The following EYS variants were observed in gnomAD, a reference collection of about 807,000 sequenced individuals.
EYS encodes EGF-like photoreceptor maintenance factor, also known as protein eyes shut homolog.
A neutral mutation model predicts 282.1 loss-of-function variants in EYS; 250 were observed. That is an observed-to-expected ratio of 0.89 (90% confidence interval 0.80 to 0.98). EYS has a LOEUF of 0.98. Ranked by LOEUF, EYS falls within the 50% of genes least tolerant of loss-of-function variation. The probability of loss-of-function intolerance (pLI) is 0.00; values close to 1 mark genes in which losing one functional copy is unlikely to be tolerated. For synonymous variants in EYS, 1,355 were observed against 1,282.9 expected (o/e 1.06, Z -1.20); for missense variants, 4,016 against 3,709.0 (o/e 1.08, Z -2.15).
intron 2 of EYS, among the ~76,000 whole-genome samples, chr6:65,574,073 G>C (rs1764573446): frequency 6.6e-6 from 1 of 152,112 alleles, no homozygotes; most frequent in Non-Finnish European, 1.5e-5. Context: ...CTGCGCCCTA[G>C]GCACTAGTGC....
intron 14 of EYS, among the ~76,000 whole-genome samples, chr6:64,954,841 T>C (rs1484438280): frequency 1.3e-5 from 2 of 152,084 alleles, no homozygotes. Flanking sequence ...CAGTAGTATT[T>C]CTATATGCCA....
chr6:64,743,007 T>C (rs1583104242), intron 22 of EYS, among the ~76,000 whole-genome samples: 1 of 152,112 alleles, frequency 6.6e-6, no homozygotes, highest in Non-Finnish European at 1.5e-5. Flanking sequence ...TTTCCTCCCA[T>C]ACTGTGCTAT....
At chr6:64,456,175 A>G (rs1208053717) in intron 26 of EYS, among the ~76,000 whole-genome samples, 4 of 152,088 alleles carry the variant, frequency 2.6e-5, no homozygotes, top group African/African-American at 9.7e-5. Context: ...CCACCACTCA[A>G]ATTCCATGTC....
intron 35 of EYS, among the ~76,000 whole-genome samples, chr6:63,921,658 C>T (rs1159954500): frequency 6.6e-6 from 1 of 152,120 alleles, no homozygotes; most frequent in Non-Finnish European, 1.5e-5. Flanking sequence ...TAACACCTAC[C>T]AAGTATTCCT....
intron 19 of EYS, among the ~76,000 whole-genome samples, chr6:64,850,400 C>A (rs911593763): frequency 6.6e-6 from 1 of 152,062 alleles, no homozygotes; most frequent in African/African-American, 2.4e-5. Flanking sequence ...TGCTGGGGAT[C>A]AGTGAACAAA....
intron 35 of EYS, among the ~76,000 whole-genome samples, chr6:63,954,525 A>G (rs1765729696): frequency 3.3e-5 from 5 of 152,218 alleles, no homozygotes; most frequent in Admixed American, 3.3e-4. Context: ...CCTCTTTAAT[A>G]AAAACTCTTC....
intron 35 of EYS, among the ~76,000 whole-genome samples, chr6:63,889,070 G>A (rs1195862659): frequency 6.6e-6 from 1 of 152,124 alleles, no homozygotes; most frequent in Non-Finnish European, 1.5e-5. Context: ...ATGAGATAAA[G>A]TGTGAAGAAA....
chr6:64,982,186 A>C (rs1334902816), intron 14 of EYS, among the ~76,000 whole-genome samples: 1 of 151,398 alleles, frequency 6.6e-6, no homozygotes, highest in Non-Finnish European at 1.5e-5. Flanking sequence ...GTATCTCTGC[A>C]TGGTACCTTT....
chr6:63,842,770 G>A (rs998648743), intron 36 of EYS, among the ~76,000 whole-genome samples: 5 of 151,862 alleles, frequency 3.3e-5, no homozygotes, highest in Non-Finnish European at 7.4e-5. Context: ...ATTCATCTTG[G>A]GTTACTGTTT....
intron 29 of EYS, among the ~76,000 whole-genome samples, chr6:64,348,461 A>T (rs554862643): frequency 0.012 from 623 of 50,582 alleles, 3 homozygotes; most frequent in Non-Finnish European, 0.018. Flanking sequence ...AGTAACTTTC[A>T]GATATGTGTT....
At chr6:63,830,300 G>T (rs1003935284) in intron 36 of EYS, among the ~76,000 whole-genome samples, 1 of 152,034 alleles carries the variant, frequency 6.6e-6, no homozygotes, top group African/African-American at 2.4e-5. Context: ...CGAACCTATC[G>T]CAAAAAAGTT....
intron 22 of EYS, among the ~76,000 whole-genome samples, chr6:64,747,211 G>T (rs2149966163): frequency 6.6e-6 from 1 of 152,288 alleles, no homozygotes; most frequent in East Asian, 1.9e-4. Flanking sequence ...TCTAGGTCCA[G>T]AGTAATTTTT....
At chr6:64,912,991 T>C (rs770647892) in intron 15 of EYS, among the ~76,000 whole-genome samples, 3 of 151,944 alleles carry the variant, frequency 2.0e-5, no homozygotes, top group Non-Finnish European at 4.4e-5. Flanking sequence ...CTAACATAGT[T>C]AGGCCTCTGA....
At chr6:65,360,620 C>T (rs536381117) in intron 8 of EYS, among the ~76,000 whole-genome samples, 2 of 152,202 alleles carry the variant, frequency 1.3e-5, no homozygotes, top group South Asian at 4.1e-4. Context: ...TTGCTGACAA[C>T]TCCGTGACCA....
In EYS at chr6:64,295,916, T is replaced by C. The variant is rs192918257; in HGVS notation, c.6191+11054A>G. 3.7e-3 allele frequency among the ~76,000 whole-genome samples: 570 copies of C among 152,250 alleles called. 2 individuals are homozygous for C. Among genetic ancestry groups the C allele is most frequent in the Non-Finnish European group, 6.9e-3 (471 of 68,016 alleles). ...TGAGACTGGAGGGGATATTAACAAATATTATTTTTAAATATTTTATAAAGA... is the reference window on the plus strand; with the variant it reads ...TGAGACTGGAGGGGATATTAACAAACATTATTTTTAAATATTTTATAAAGA... On this transcript the variant is annotated intron_variant, in intron 30 of 42. Transcript: ENST00000503581.
intron 26 of EYS, among the ~76,000 whole-genome samples, chr6:64,467,012 T>C (rs2150489444): frequency 6.6e-6 from 1 of 152,220 alleles, no homozygotes; most frequent in South Asian, 2.1e-4. Flanking sequence ...GTATCCAAAG[T>C]TCACTACAAA....
At chr6:65,243,547 G>A (rs545706694) in intron 12 of EYS, among the ~76,000 whole-genome samples, 236 of 152,126 alleles carry the variant, frequency 1.6e-3, no homozygotes, top group Admixed American at 2.7e-3. Context: ...TTACCATAAG[G>A]TTCTAATAGG....
At chr6:65,007,459 T>A (rs991966781) in intron 13 of EYS, among the ~76,000 whole-genome samples, 2 of 152,134 alleles carry the variant, frequency 1.3e-5, no homozygotes, top group Non-Finnish European at 2.9e-5. Flanking sequence ...GAGGGAAGTA[T>A]AAATTATAAC....
At position 65,268,370 on chromosome 6, in the gene EYS, T is replaced by A. The variant is rs150998166; in HGVS notation, c.2023+27493A>T. ...ATTATAGATTTGAAAAGATCATGAA[T>A]ATTATGTATTTCAATATCATACTTA... On this transcript the variant is annotated intron_variant, in intron 12 of 42. Coordinates refer to ENST00000503581, the MANE Select transcript of EYS (RefSeq NM_001142800.2). Among the ~76,000 whole-genome samples, 472 of 152,192 alleles carry A rather than the reference T, an allele frequency of 3.1e-3. 1 individual carries two copies. The highest frequency in any genetic ancestry group is 0.011 in the African/African-American group (452 of 41,566).
Sources: allele counts gnomAD v4.1 joint callset (sites outside exome capture counted in the v4.1 genomes callset), GRCh38; gene constraint gnomAD v4.1.1; transcripts MANE v1.5; gene names NCBI Gene and HGNC (gene_info 2026-07-23, HGNC 2026-07-21).